AR: variants seen among roughly 807,000 people sequenced by gnomAD.
The protein encoded by AR is androgen receptor, also known as dihydrotestosterone receptor.
In AR, 8 loss-of-function variants were observed where a neutral mutation model predicts 53.9. The observed-to-expected ratio is 0.15, with a 90% CI of 0.09 to 0.27. The LOEUF is 0.27. AR is among the 10% of genes least tolerant of loss of function. The probability of loss-of-function intolerance (pLI) is 1.00; values close to 1 mark genes in which losing one functional copy is unlikely to be tolerated. For missense variants in AR, 639 were observed against 742.5 expected (o/e 0.86, Z 1.62); for synonymous variants, 359 against 316.4 (o/e 1.13, Z -1.43).
At chrX:67,660,057 G>C (rs1926803842) in intron 2 of AR, among the ~76,000 whole-genome samples, 1 of 111,553 alleles carries the variant, frequency 9.0e-6, no homozygotes, top group Non-Finnish European at 1.9e-5. Context: ...TTTTTGATAG[G>C]GTTGTTTGTT....
chrX:67,653,407 C>T (rs1307756593), intron 2 of AR, among the ~76,000 whole-genome samples: 1 of 111,403 alleles, frequency 9.0e-6, no homozygotes, highest in Non-Finnish European at 1.9e-5. Flanking sequence ...ATTTATTTTA[C>T]CTGGAAAGTT....
At chrX:67,723,517 T>A (rs1383090925) in intron 7 of AR, among the ~76,000 whole-genome samples, 169 bp from the exon 8 acceptor site, 2 of 18,661 alleles carry the variant, frequency 1.1e-4, no homozygotes, top group Admixed American at 1.3e-3. Flanking sequence ...GCTGTCTCTC[T>A]CTAACACACA....
chrX:67,657,989 A>G (rs1303567628), intron 2 of AR, among the ~76,000 whole-genome samples: 1 of 111,995 alleles, frequency 8.9e-6, no homozygotes, highest in African/African-American at 3.2e-5. Flanking sequence ...TTAAGAATTT[A>G]TGAAAGGGCC....
At chrX:67,703,938 T>G (rs776199330) in intron 3 of AR, among the ~76,000 whole-genome samples, 2 of 111,576 alleles carry the variant, frequency 1.8e-5, no homozygotes, top group Non-Finnish European at 3.8e-5. Context: ...GAATGATGGT[T>G]TCCAGCTTCA....
At position 67,592,649 on chromosome X, in the gene AR, C is replaced by A. The variant is rs78813417; in HGVS notation, c.1616+45887C>A. Among the ~76,000 whole-genome samples, 25 of 88,380 alleles carry A rather than the reference C, an allele frequency of 2.8e-4. 1 individual carries two copies. Among genetic ancestry groups the A allele is most frequent in the Admixed American group, 5.1e-4 (4 of 7,788 alleles). 76.7% of individuals were successfully genotyped at this position (88,380 alleles called of 115,157 possible). A position where few individuals can be genotyped will look rare whatever the true frequency, so the allele number is the denominator to read the frequency against. On this transcript the variant is annotated intron_variant, in intron 1 of 7. Transcript: ENST00000374690. ...GGAATATTCCCAGAAAAAAAAAAAA[C>A]TTTTTTTTTTTTAAAATCTACTAAG...
intron 2 of AR, among the ~76,000 whole-genome samples, chrX:67,677,745 T>C (rs1391157815): frequency 9.0e-6 from 1 of 111,543 alleles, no homozygotes; most frequent in East Asian, 2.8e-4. Flanking sequence ...TATTGACTCA[T>C]TGTGTAATCT....
At chrX:67,708,663 G>C (rs1180652550) in intron 3 of AR, among the ~76,000 whole-genome samples, 3 of 112,260 alleles carry the variant, frequency 2.7e-5, no homozygotes, top group Non-Finnish European at 5.6e-5. Flanking sequence ...CTCCGTCCAG[G>C]TTTGTTCTGT....
intron 1 of AR, among the ~76,000 whole-genome samples, chrX:67,550,922 A>G (rs1272574636): frequency 9.3e-6 from 1 of 107,651 alleles, no homozygotes; most frequent in Non-Finnish European, 1.9e-5. Context: ...AAAAATCTGT[A>G]GAGTAGTAGA....
chrX:67,546,547 C>A lies in AR; in HGVS notation c.1401C>A (p.Gly467=), dbSNP rs767390578. Residue 467 remains glycine (G), a synonymous_variant, in exon 1 of 8, where the codon GGC becomes GGA. Coordinates refer to ENST00000374690, the MANE Select transcript of AR (RefSeq NM_000044.6). Reference sequence around the variant, plus strand: ...GCGGCGGCGGCGGCGGCGGCGGCGGCGGCGGCGGCGGCGGCGGCGAGGCGG... The same window carrying A: ...GCGGCGGCGGCGGCGGCGGCGGCGGAGGCGGCGGCGGCGGCGGCGAGGCGG... ...GGGGGGGGGG[G]GGGGGGEAGA... is the part of the protein sequence containing the mutation. 1.1e-6 allele frequency: 1 copy of A among 917,788 alleles called. No individual in the cohort carries two copies. 75.6% of individuals were successfully genotyped at this position (917,788 alleles called of 1,213,427 possible). A position where few individuals can be genotyped will look rare whatever the true frequency, so the allele number is the denominator to read the frequency against.
intron 1 of AR, among the ~76,000 whole-genome samples, chrX:67,630,956 T>G (rs1925060730): frequency 1.8e-5 from 2 of 111,538 alleles, no homozygotes; most frequent in South Asian, 7.7e-4. Context: ...TTATGAATGT[T>G]GAATATTGGC....
intron 2 of AR, among the ~76,000 whole-genome samples, chrX:67,672,111 C>T (rs1339411469): frequency 1.8e-5 from 2 of 111,469 alleles, no homozygotes; most frequent in African/African-American, 3.3e-5. Context: ...TCCTCACCCT[C>T]TCTCAACACC....
chrX:67,593,021 A>T (rs951868444), intron 1 of AR, among the ~76,000 whole-genome samples: 33 of 112,253 alleles, frequency 2.9e-4, no homozygotes, highest in Admixed American at 7.5e-4. Context: ...TTTTATTTTG[A>T]TAATGCTGTT....
At chrX:67,640,843 A>C (rs1925721990) in intron 1 of AR, among the ~76,000 whole-genome samples, 1 of 111,340 alleles carries the variant, frequency 9.0e-6, no homozygotes, top group African/African-American at 3.3e-5. Context: ...CCATACATAC[A>C]TTTGTGTCTT....
chrX:67,646,502 G>A (rs1046062491), intron 2 of AR, among the ~76,000 whole-genome samples: 3 of 110,973 alleles, frequency 2.7e-5, no homozygotes, highest in African/African-American at 9.8e-5. Flanking sequence ...GTGCTTGGTG[G>A]GATGAACTCT....
intron 1 of AR, among the ~76,000 whole-genome samples, chrX:67,619,329 CTCTG>C (rs1924262747): frequency 9.1e-6 from 1 of 109,435 alleles, no homozygotes. Context: ...CTCTCTCTCT[CTCTG>C]TGTGTGTGTG....
intron 1 of AR, among the ~76,000 whole-genome samples, chrX:67,549,292 C>T (rs1929902003): frequency 9.0e-6 from 1 of 111,712 alleles, no homozygotes; most frequent in Admixed American, 9.5e-5. Flanking sequence ...ATTGGGCAGG[C>T]TTCCAATGAC....
At chrX:67,642,910 A>G (rs1230943053) in intron 1 of AR, among the ~76,000 whole-genome samples, 1 of 111,795 alleles carries the variant, frequency 8.9e-6, no homozygotes, top group Non-Finnish European at 1.9e-5. Context: ...ACCTGGGTTC[A>G]TATCATTTAA....
intron 1 of AR, among the ~76,000 whole-genome samples, chrX:67,601,728 TAC>T (rs1923369972): frequency 8.9e-6 from 1 of 112,382 alleles, no homozygotes; most frequent in Admixed American, 9.4e-5. Context: ...TGTCAGAAAA[TAC>T]AGATTCTTAT....
intron 3 of AR, among the ~76,000 whole-genome samples, chrX:67,699,440 T>A (rs192357903): frequency 1.3e-4 from 15 of 112,159 alleles, no homozygotes; most frequent in African/African-American, 4.2e-4. Flanking sequence ...CCCAACGCCT[T>A]CAAAGCCAAC....
Sources: allele counts gnomAD v4.1 joint callset (sites outside exome capture counted in the v4.1 genomes callset), GRCh38; gene constraint gnomAD v4.1.1; transcripts MANE v1.5; gene names NCBI Gene and HGNC (gene_info 2026-07-23, HGNC 2026-07-21).